The following CDH13 variants were observed in gnomAD, a reference collection of about 807,000 sequenced individuals.
CDH13 encodes the protein cadherin-13.
A neutral mutation model predicts 63.8 loss-of-function variants in CDH13; 24 were observed. That is an observed-to-expected ratio of 0.38 (90% CI 0.27 to 0.53). The LOEUF (loss-of-function observed/expected upper bound fraction) is 0.53, where lower values mean the gene tolerates loss of function less well. Ranked by LOEUF, CDH13 falls within the 20% of genes least tolerant of loss-of-function variation. The pLI is 0.85. For missense variants in CDH13, 1,049 were observed against 903.1 expected (o/e 1.16, Z -2.07); for synonymous variants, 503 against 355.3 (o/e 1.42, Z -4.67).
chr16:83,341,294 A>T (rs749191859), intron 5 of CDH13, among the ~76,000 whole-genome samples: 18 of 152,328 alleles, frequency 1.2e-4, no homozygotes, highest in Non-Finnish European at 2.1e-4. Context: ...TTGAACATTT[A>T]TTCTCTGATA....
intron 1 of CDH13, among the ~76,000 whole-genome samples, chr16:82,780,757 C>G (rs1206319299): frequency 6.6e-6 from 1 of 152,160 alleles, no homozygotes; most frequent in Non-Finnish European, 1.5e-5. Context: ...ATGCTGACAG[C>G]TTTTTTCTTT....
intron 2 of CDH13, among the ~76,000 whole-genome samples, chr16:83,019,510 T>G (rs974884575): frequency 4.0e-5 from 6 of 150,992 alleles, no homozygotes; most frequent in Non-Finnish European, 7.4e-5. Context: ...TTTTTTTTTT[T>G]TTTGAGACAG....
rs372083017 is a variant in CDH13 at position 82,916,220 on chromosome 16, A to G, written c.157+57747A>G. ...CAATATGGGCTGCGGAAATAGGTTAACCCACAGGCTCCCAGGGCCCAGTGT... is the reference window on the plus strand; with the variant it reads ...CAATATGGGCTGCGGAAATAGGTTAGCCCACAGGCTCCCAGGGCCCAGTGT... On this transcript the variant is annotated intron_variant, in intron 2 of 13. Transcript: ENST00000567109. Among the ~76,000 whole-genome samples the G allele has an allele frequency of 1.3e-4, 20 of 152,236 alleles. No individual in the cohort carries two copies. The East Asian group carries it at 2.3e-3, about 18-fold the overall frequency.
intron 2 of CDH13, among the ~76,000 whole-genome samples, chr16:82,876,328 G>A (rs904310012): frequency 1.3e-5 from 2 of 152,168 alleles, no homozygotes; most frequent in Admixed American, 1.3e-4. Context: ...CCATCATTGA[G>A]TAGTGAATAG....
chr16:83,515,850 A>G (rs1297535895), intron 7 of CDH13, among the ~76,000 whole-genome samples: 3 of 152,226 alleles, frequency 2.0e-5, no homozygotes, highest in Non-Finnish European at 4.4e-5. Flanking sequence ...GTCCTGCCAC[A>G]TTAAAAGATT....
chr16:82,735,920 C>T (rs923976392), intron 1 of CDH13, among the ~76,000 whole-genome samples: 4 of 152,116 alleles, frequency 2.6e-5, no homozygotes, highest in Admixed American at 6.5e-5. Context: ...ATTGACAGCA[C>T]GAGAAAAACC....
At chr16:83,759,936 TAAA>T (rs11329988) in intron 11 of CDH13, among the ~76,000 whole-genome samples, 37,107 of 133,492 alleles carry the variant, frequency 0.28, 4,590 homozygotes, top group Non-Finnish European at 0.31. Context: ...TCAAAACCAA[TAAA>T]AAAAAAAAAA....
Position 83,194,438 on chromosome 16 carries a change from GA to G in CDH13, c.484-22903del, listed in dbSNP as rs1351689708. ...TGCTGCCTCCATTAGAGAAAAAGGA[GA>G]AAACCCGATTAGGAAGGATAGAAAC... On this transcript the variant is annotated intron_variant, in intron 4 of 13. Coordinates refer to ENST00000567109, the MANE Select transcript of CDH13 (RefSeq NM_001257.5). Among the ~76,000 whole-genome samples the G allele has an allele frequency of 6.6e-5, 10 of 152,192 alleles. No homozygotes were observed. The East Asian group carries it at 1.9e-3, about 29-fold the overall frequency.
Position 83,047,812 on chromosome 16 carries a change from T to C in CDH13, c.366+15594T>C, listed in dbSNP as rs2151498719. Among the ~76,000 whole-genome samples the C allele has an allele frequency of 6.6e-6, 1 of 152,350 alleles. No individual in the cohort carries two copies. The highest frequency in any genetic ancestry group is 2.1e-4 in the South Asian group (1 of 4,828). ...TGCGGGGCACCACTTTAAGTGCATT[T>C]CTTACATTAAGTCATATAATCTTTA... On this transcript the variant is annotated intron_variant, in intron 3 of 13. Coordinates refer to ENST00000567109, the MANE Select transcript of CDH13 (RefSeq NM_001257.5). The surrounding 1 kb of genome is among the most constrained non-coding windows in gnomAD (Gnocchi z 4.9).
intron 6 of CDH13, among the ~76,000 whole-genome samples, chr16:83,401,826 T>C (rs1373568010): frequency 1.3e-5 from 2 of 152,176 alleles, no homozygotes; most frequent in Non-Finnish European, 2.9e-5. Context: ...GTGAAAAACT[T>C]CTTTAGAATT....
intron 2 of CDH13, among the ~76,000 whole-genome samples, chr16:82,984,322 T>C (rs543169571): frequency 5.3e-5 from 8 of 152,300 alleles, no homozygotes; most frequent in African/African-American, 1.9e-4. Flanking sequence ...ACATGGGAAA[T>C]GTGTTGTGCT....
intron 6 of CDH13, among the ~76,000 whole-genome samples, chr16:83,466,497 C>G (rs1207256786): frequency 2.6e-5 from 4 of 152,182 alleles, no homozygotes; most frequent in African/African-American, 9.7e-5. Flanking sequence ...TGGCAGTGGG[C>G]TGGGGAGGAA....
At chr16:83,715,077 A>G (rs1307747147) in intron 10 of CDH13, among the ~76,000 whole-genome samples, 2 of 152,072 alleles carry the variant, frequency 1.3e-5, no homozygotes, top group Non-Finnish European at 2.9e-5. Context: ...CATTTAGAGT[A>G]TTTCTTCATT....
chr16:82,681,939 G>C (rs1794445212), intron 1 of CDH13, among the ~76,000 whole-genome samples: 1 of 152,226 alleles, frequency 6.6e-6, no homozygotes, highest in African/African-American at 2.4e-5. Context: ...CCCAGGCTTA[G>C]TGCACTTGAC....
intron 2 of CDH13, among the ~76,000 whole-genome samples, chr16:82,860,861 C>T (rs138996358): frequency 3.8e-4 from 58 of 152,230 alleles, no homozygotes; most frequent in African/African-American, 1.1e-3. Flanking sequence ...TTGCAAGTAG[C>T]GGTTCAATTG....
chr16:83,325,141 T>C (rs1348433587), intron 5 of CDH13, among the ~76,000 whole-genome samples: 1 of 152,228 alleles, frequency 6.6e-6, no homozygotes, highest in Non-Finnish European at 1.5e-5. Flanking sequence ...CATAAGTTCT[T>C]AAGTGATTCT....
In CDH13 at chr16:83,169,422, G is replaced by A. The variant is rs74031436; in HGVS notation, c.483+43921G>A. On this transcript the variant is annotated intron_variant, in intron 4 of 13. Transcript: ENST00000567109. ...GATGTCTTGACCTCATAATCTGCCT[G>A]CCTCGGCTTCCCGAAGTGCTGGGAG... 3.9e-3 allele frequency among the ~76,000 whole-genome samples: 598 copies of A among 152,144 alleles called. 8 individuals carry two copies. Among genetic ancestry groups the A allele is most frequent in the African/African-American group, 0.014 (575 of 41,536 alleles).
intron 1 of CDH13, among the ~76,000 whole-genome samples, chr16:82,632,591 G>A (rs1567573232): frequency 6.6e-6 from 1 of 152,134 alleles, no homozygotes; most frequent in African/African-American, 2.4e-5. Flanking sequence ...GCAGCCAAGG[G>A]ACTCTGAAAC....
At chr16:82,760,882 C>A (rs2034810698) in intron 1 of CDH13, among the ~76,000 whole-genome samples, 1 of 151,874 alleles carries the variant, frequency 6.6e-6, no homozygotes, top group African/African-American at 2.4e-5. Flanking sequence ...TCAGATCTTG[C>A]AGTAACTAAT....
Sources: gnomAD v4.1 joint callset for allele counts (sites outside exome capture counted in the v4.1 genomes callset) on GRCh38, gnomAD v4.1.1 for gene constraint, Gnocchi (gnomAD v3.1) non-coding constraint, MANE v1.5 for transcripts, NCBI Gene and HGNC (gene_info 2026-07-23, HGNC 2026-07-21) for gene names.